EML1: variants seen among roughly 807,000 people sequenced by gnomAD.
EML1 encodes echinoderm microtubule-associated protein-like 1.
Under a neutral mutation model 110.4 loss-of-function variants are expected in EML1, and 27 were observed. The observed-to-expected ratio is 0.24, with a 90% CI of 0.18 to 0.34. EML1 has a LOEUF of 0.34. Among genes scored for constraint, EML1 ranks in the 10% least tolerant of loss-of-function variants. EML1 has a pLI of 1.00. For missense variants in EML1, 741 were observed against 1,030.9 expected (o/e 0.72, Z 3.85); for synonymous variants, 344 against 385.8 (o/e 0.89, Z 1.27).
chr14:99,931,589 A>G (rs2060369197), intron 17 of EML1, among the ~76,000 whole-genome samples: 1 of 152,104 alleles, frequency 6.6e-6, no homozygotes, highest in South Asian at 2.1e-4. Flanking sequence ...TCAGTGGAGT[A>G]AGTTTAGGAA....
rs189230414 is a variant in EML1 at position 99,930,825 on chromosome 14, A to T, written c.1910-5204A>T. Among the ~76,000 whole-genome samples, 3 of 152,354 alleles carry T rather than the reference A, an allele frequency of 2.0e-5. No homozygotes were observed. In the East Asian group the frequency reaches 5.8e-4, roughly 29 times the overall value. On this transcript the variant is annotated intron_variant, in intron 17 of 21. Transcript: ENST00000262233. The stretch of plus-strand genomic sequence containing the variant: ...TGCAGATCCTTAGCCTGCCTGTTCT[A>T]GTTTCAGCTCATTGAACCTAGGGTA...
At chr14:99,862,809 C>G (rs1406410942) in intron 2 of EML1, among the ~76,000 whole-genome samples, 2 of 152,136 alleles carry the variant, frequency 1.3e-5, no homozygotes, top group Non-Finnish European at 2.9e-5. Flanking sequence ...CTGCTGCTTC[C>G]CCTGAAGGCA....
intron 5 of EML1, 158 bp from the exon 6 acceptor site, chr14:99,894,469 CTG>C (rs1314637851): frequency 1.1e-6 from 1 of 912,062 alleles, no homozygotes; most frequent in African/African-American, 1.7e-5. Flanking sequence ...TTGTTTCAAA[CTG>C]TTTATTTTTA....
intron 1 of EML1, among the ~76,000 whole-genome samples, chr14:99,758,723 C>T (rs753106035): frequency 6.6e-6 from 1 of 152,072 alleles, no homozygotes; most frequent in Non-Finnish European, 1.5e-5. Flanking sequence ...GCATTCCATA[C>T]GGAGGCTTCT....
At chr14:99,771,454 A>T (rs1221452703), upstream of EML1, among the ~76,000 whole-genome samples, 1 of 152,190 alleles carries the variant, frequency 6.6e-6, no homozygotes, top group Non-Finnish European at 1.5e-5. Flanking sequence ...GATAAACCAC[A>T]TTTGCCTAAT....
rs542025686 is a variant in EML1, at chr14:99,781,886, C to T, written c.-27+7873C>T. Among the ~76,000 whole-genome samples, 12 of 152,194 alleles carry T rather than the reference C, an allele frequency of 7.9e-5. No individual in the cohort carries two copies. The highest frequency in any genetic ancestry group is 3.2e-3 in the Middle Eastern group (1 of 316). ...CCTTGAGGCTGGAGGTATGCTCCCC[C>T]GCTTTTGACTTCTGGACTCCTCAGT... On this transcript the variant is annotated intron_variant, in intron 1 of 22. Transcript: ENST00000327921. The surrounding 1 kb of genome is among the most constrained non-coding windows in gnomAD (Gnocchi z 4.2).
At chr14:99,831,141 T>C (rs2058443404) in intron 1 of EML1, among the ~76,000 whole-genome samples, 1 of 152,232 alleles carries the variant, frequency 6.6e-6, no homozygotes, top group South Asian at 2.1e-4. Flanking sequence ...ATTCACGTTA[T>C]GTGAATGCTC....
At chr14:99,887,802 A>G (rs1044003115) in intron 4 of EML1, among the ~76,000 whole-genome samples, 7 of 152,226 alleles carry the variant, frequency 4.6e-5, no homozygotes, top group Non-Finnish European at 8.8e-5. Context: ...GCTCCCGTCA[A>G]CAGACTTTGT....
chr14:99,764,839 G>A (rs756230050), intron 1 of EML1, among the ~76,000 whole-genome samples: 16 of 152,186 alleles, frequency 1.1e-4, no homozygotes, highest in Non-Finnish European at 5.9e-5. Context: ...CACCCAAACC[G>A]CTGTCCTGCC....
At chr14:99,782,287 C>G (rs1466770389) in intron 1 of EML1, among the ~76,000 whole-genome samples, 1 of 152,212 alleles carries the variant, frequency 6.6e-6, no homozygotes. Flanking sequence ...ACGTTGTGAC[C>G]TCAGGCCAGG....
At position 99,793,446 on chromosome 14, in the gene EML1, C is replaced by A; in HGVS notation, c.-31C>A. On this transcript the variant is annotated 5_prime_UTR_variant, in exon 1 of 22. Transcript: ENST00000262233. ...GTGAGCGGCGGCGGCGCGGCCGGGCCGGGGAGCGGGCGCGGCCCGGCGGCC... is the reference window on the plus strand; with the variant it reads ...GTGAGCGGCGGCGGCGCGGCCGGGCAGGGGAGCGGGCGCGGCCCGGCGGCC... 9.6e-7 allele frequency: 1 copy of A among 1,037,092 alleles called. No homozygotes were observed. The allele number at this position is 1,037,092 out of a possible 1,614,324, so 64.2% of individuals were successfully genotyped here.
At chr14:99,753,843 C>A (rs1214076365) in intron 1 of EML1, among the ~76,000 whole-genome samples, 1 of 152,212 alleles carries the variant, frequency 6.6e-6, no homozygotes, top group Non-Finnish European at 1.5e-5. Context: ...TCCCCACAAC[C>A]GCATCAGCTA....
chr14:99,909,381 C>T lies in EML1; in HGVS notation c.1141C>T (p.Pro381Ser). 6.2e-7 allele frequency: 1 copy of T among 1,614,188 alleles called. No homozygotes were observed. Among genetic ancestry groups the T allele is most frequent in the Non-Finnish European group, 8.5e-7 (1 of 1,180,026 alleles). The change falls in exon 11 of 22, where the codon CCC becomes TCC. Residue 381 changes from proline to serine, a missense_variant. Physicochemically the swap from Pro to Ser is moderately conservative, Grantham distance 74 (BLOSUM62 -1). This residue lies in a region of EML1 where 388 missense variants were observed against 605.6 expected (regional missense o/e 0.64). Transcript: ENST00000262233. ...AGCTGTGTTTGCTGCGGATTTCCAC[C>T]CCACGGACACCAACATCATAGTTAC... Reference protein sequence around the residue: ...NEAVFAADFHPTDTNIIVTCG... With the variant: ...NEAVFAADFHSTDTNIIVTCG...
At chr14:99,772,867 G>C (rs1234037038), upstream of EML1, 1 of 152,166 alleles carries the variant, frequency 6.6e-6, no homozygotes, top group Admixed American at 6.5e-5. Flanking sequence ...ATGGTGCTCT[G>C]ATGCTTGACA....
At chr14:99,750,483 C>T (rs1370723942) in intron 1 of EML1, among the ~76,000 whole-genome samples, 3 of 152,184 alleles carry the variant, frequency 2.0e-5, no homozygotes, top group Non-Finnish European at 4.4e-5. Flanking sequence ...CATTCAAGCT[C>T]GCCACCAAGT....
intron 1 of EML1, among the ~76,000 whole-genome samples, chr14:99,750,195 G>A (rs1055896259): frequency 1.3e-5 from 2 of 152,230 alleles, no homozygotes; most frequent in Admixed American, 6.5e-5. Flanking sequence ...AGGTTGCCCC[G>A]GAGGGAACAA....
chr14:99,938,454 G>A (rs187188751), intron 20 of EML1, among the ~76,000 whole-genome samples: 44 of 152,302 alleles, frequency 2.9e-4, no homozygotes, highest in Middle Eastern at 6.8e-3. Context: ...AGGTCCGGAG[G>A]TTCACTCCAG....
At chr14:99,920,304 C>A (rs1204223965) in intron 16 of EML1, among the ~76,000 whole-genome samples, 1 of 152,206 alleles carries the variant, frequency 6.6e-6, no homozygotes, top group African/African-American at 2.4e-5. Context: ...GCTAGCATCC[C>A]CATAAGGCCT....
chr14:99,800,430 C>T (rs995837295), intron 1 of EML1, among the ~76,000 whole-genome samples: 3 of 152,094 alleles, frequency 2.0e-5, no homozygotes, highest in Non-Finnish European at 2.9e-5. Flanking sequence ...GTGGTGTGAT[C>T]ATGGCTCACT....
Sources: gnomAD v4.1 joint callset for allele counts (sites outside exome capture counted in the v4.1 genomes callset) on GRCh38, gnomAD v4.1.1 for gene constraint, gnomAD v4.1.1 regional missense constraint, Gnocchi (gnomAD v3.1) non-coding constraint, MANE v1.5 for transcripts, NCBI Gene and HGNC (gene_info 2026-07-23, HGNC 2026-07-21) for gene names.